The following MCPH1 variants were observed in gnomAD, a reference collection of about 807,000 sequenced individuals.
MCPH1 encodes the protein microcephalin 1.
Under a neutral mutation model 84.5 loss-of-function variants are expected in MCPH1, and 104 were observed. That is an observed-to-expected ratio of 1.23 (90% CI 1.05 to 1.45). The LOEUF (loss-of-function observed/expected upper bound fraction) is 1.45. Ranked by LOEUF, MCPH1 falls within the 40% of genes most tolerant of loss-of-function variation. The pLI is 0.00. For missense variants in MCPH1, 1,498 were observed against 1,005.7 expected (o/e 1.49, Z -6.62); for synonymous variants, 514 against 366.8 (o/e 1.40, Z -4.58).
At chr8:6,525,049 G>T (rs1285207747) in intron 12 of MCPH1, among the ~76,000 whole-genome samples, 1 of 152,182 alleles carries the variant, frequency 6.6e-6, no homozygotes, top group African/African-American at 2.4e-5. Context: ...GGCCTCTCGG[G>T]CCCCTTTTAG....
intron 12 of MCPH1, among the ~76,000 whole-genome samples, chr8:6,573,946 G>T (rs981453762): frequency 4.6e-5 from 7 of 152,176 alleles, no homozygotes; most frequent in Non-Finnish European, 1.0e-4. Context: ...CTAGGTTTGT[G>T]GAAGAAGCAA....
chr8:6,611,514 C>G (rs905641398), intron 12 of MCPH1, among the ~76,000 whole-genome samples: 1 of 152,208 alleles, frequency 6.6e-6, no homozygotes. Flanking sequence ...GGCCCGGGGC[C>G]GGGGAGCAGG....
intron 11 of MCPH1, among the ~76,000 whole-genome samples, chr8:6,491,730 G>C (rs965146130): frequency 6.6e-6 from 1 of 151,754 alleles, no homozygotes; most frequent in Admixed American, 6.6e-5. Context: ...GCGGTGTTTG[G>C]TTTTTTTGTC....
chr8:6,504,576 G>A (rs997427410), intron 12 of MCPH1, among the ~76,000 whole-genome samples: 3 of 152,122 alleles, frequency 2.0e-5, no homozygotes, highest in African/African-American at 7.2e-5. Flanking sequence ...AAGTGCAAGA[G>A]TGATGATGCT....
chr8:6,607,833 T>G (rs1423746363), intron 12 of MCPH1, among the ~76,000 whole-genome samples: 1 of 152,216 alleles, frequency 6.6e-6, no homozygotes, highest in African/African-American at 2.4e-5. Context: ...TGTGAGACCA[T>G]TAAACTTCTT....
chr8:6,530,814 A>G (rs1819360991), intron 12 of MCPH1, among the ~76,000 whole-genome samples: 2 of 152,176 alleles, frequency 1.3e-5, no homozygotes, highest in African/African-American at 2.4e-5. Flanking sequence ...TCATCCAACC[A>G]TTTTTAGGAA....
intron 12 of MCPH1, among the ~76,000 whole-genome samples, chr8:6,599,187 G>A (rs555426667): frequency 2.0e-5 from 3 of 152,170 alleles, no homozygotes; most frequent in African/African-American, 4.8e-5. Flanking sequence ...AAGCCTTGAT[G>A]TTGTTACGTG....
intron 9 of MCPH1, among the ~76,000 whole-genome samples, chr8:6,462,148 C>A (rs992813012): frequency 5.9e-5 from 9 of 152,298 alleles, no homozygotes; most frequent in Admixed American, 5.2e-4. Flanking sequence ...ATAGAGCATA[C>A]TTATTTTGAT....
intron 9 of MCPH1, among the ~76,000 whole-genome samples, chr8:6,466,697 T>A (rs1585934966): frequency 6.6e-6 from 1 of 152,020 alleles, no homozygotes; most frequent in South Asian, 2.1e-4. Context: ...CCTCGGCCTG[T>A]CAAAGTGCTG....
chr8:6,520,861 T>C (rs1386510162), intron 12 of MCPH1, among the ~76,000 whole-genome samples: 2 of 152,258 alleles, frequency 1.3e-5, no homozygotes, highest in African/African-American at 4.8e-5. Flanking sequence ...ATTTTTCCCA[T>C]GTAAAACCTA....
intron 12 of MCPH1, among the ~76,000 whole-genome samples, chr8:6,594,969 C>G (rs1318274829): frequency 6.6e-6 from 1 of 152,182 alleles, no homozygotes; most frequent in Non-Finnish European, 1.5e-5. Context: ...TTTTTCTAAT[C>G]TACTTTTGAC....
intron 12 of MCPH1, among the ~76,000 whole-genome samples, chr8:6,608,346 G>A (rs1328652603): frequency 6.6e-6 from 1 of 152,220 alleles, no homozygotes; most frequent in Non-Finnish European, 1.5e-5. Context: ...GGAGAAATGC[G>A]TTGAGAATTG....
At chr8:6,449,885 T>C (rs1322456828) in intron 8 of MCPH1, among the ~76,000 whole-genome samples, 5 of 152,156 alleles carry the variant, frequency 3.3e-5, no homozygotes, top group African/African-American at 1.2e-4. Context: ...TGCCAAGTAG[T>C]TAAAGCCGAC....
At position 6,564,216 on chromosome 8, in the gene MCPH1, T is replaced by C. The variant is rs548912157; in HGVS notation, c.2215-57238T>C. 1.3e-3 allele frequency among the ~76,000 whole-genome samples: 201 copies of C among 152,294 alleles called. 1 individual carries two copies. Among genetic ancestry groups the C allele is most frequent in the African/African-American group, 4.6e-3 (191 of 41,560 alleles). On this transcript the variant is annotated intron_variant, in intron 12 of 13. Transcript: ENST00000344683. ...TGGTCTCAAACTCATGACCTTGTGA[T>C]CGACTCGCCTTTGGCCTCCCAAAGT...
At chr8:6,547,124 T>A (rs2129574548) in intron 12 of MCPH1, among the ~76,000 whole-genome samples, 1 of 151,622 alleles carries the variant, frequency 6.6e-6, no homozygotes, top group Middle Eastern at 3.4e-3. Flanking sequence ...AAAACTCATG[T>A]GGCCTATTTC....
chr8:6,456,964 C>G (rs558720071), intron 9 of MCPH1, among the ~76,000 whole-genome samples: 13 of 152,200 alleles, frequency 8.5e-5, no homozygotes, highest in Admixed American at 5.9e-4. Flanking sequence ...ACCTGTTTGA[C>G]CTTCTGGCAT....
At chr8:6,409,405 A>T (rs755461535) in intron 2 of MCPH1, 35 bp downstream of exon 2, 1 of 1,485,130 alleles carries the variant, frequency 6.7e-7, no homozygotes, top group African/African-American at 1.4e-5. Flanking sequence ...TTCATATGAC[A>T]GTCTTCTGAT....
At chr8:6,609,496 A>G (rs1360495494) in intron 12 of MCPH1, among the ~76,000 whole-genome samples, 9 of 152,210 alleles carry the variant, frequency 5.9e-5, no homozygotes, top group Non-Finnish European at 2.9e-5. Flanking sequence ...AAAAAATCCA[A>G]GTTTGGCGCT....
chr8:6,617,146 T>C (rs1830875762), intron 12 of MCPH1: 1 of 151,980 alleles, frequency 6.6e-6, no homozygotes, highest in South Asian at 2.1e-4. Flanking sequence ...TTCCTAATCA[T>C]TAAATGTGTT....
Sources: allele counts gnomAD v4.1 joint callset (sites outside exome capture counted in the v4.1 genomes callset), GRCh38; gene constraint gnomAD v4.1.1; transcripts MANE v1.5; gene names NCBI Gene and HGNC (gene_info 2026-07-23, HGNC 2026-07-21).